The following PRUNE2 variants were observed in gnomAD, a reference collection of about 807,000 sequenced individuals.
PRUNE2 encodes the protein prune homolog 2 with BCH domain, also known as protein prune homolog 2.
In PRUNE2, 164 loss-of-function variants were observed where a neutral mutation model predicts 252.0. That is an observed-to-expected ratio of 0.65 (90% confidence interval 0.57 to 0.74). The LOEUF is 0.74. Among genes scored for constraint, PRUNE2 ranks in the 30% least tolerant of loss-of-function variants. The pLI is 0.00. For synonymous variants in PRUNE2, 1,292 were observed against 1,350.2 expected, an observed-to-expected ratio of 0.96 and a Z score of 0.94; for missense variants, 3,495 against 3,711.0, an observed-to-expected ratio of 0.94 and a Z score of 1.51.
intron 7 of PRUNE2, 77 bp from the exon 8 acceptor site, chr9:76,711,435 G>T (rs762910310): frequency 8.2e-6 from 7 of 855,734 alleles, no homozygotes; most frequent in Non-Finnish European, 1.3e-5. Context: ...AATTTATCTC[G>T]CTTAATTTTT....
At position 76,715,281 on chromosome 9, in the gene PRUNE2, C is replaced by T. The variant is rs541345156; in HGVS notation, c.757-1560G>A. On this transcript the variant is annotated intron_variant, in intron 6 of 18. Transcript: ENST00000376718. ...ACTATTTACCAGCCACTTCAAAAAG[C>T]CATCATACCCGTACTCTGTAATTCT... Among the ~76,000 whole-genome samples the T allele has an allele frequency of 5.3e-5, 8 of 152,322 alleles. No individual in the cohort carries two copies. The South Asian group carries it at 1.0e-3, about 20-fold the overall frequency.
intron 15 of PRUNE2, 137 bp from the exon 16 acceptor site, chr9:76,629,427 C>T (rs552625283): frequency 6.7e-5 from 36 of 533,972 alleles, no homozygotes; most frequent in Middle Eastern, 4.9e-4. Flanking sequence ...CATTATTTGA[C>T]GAGTTACAAT....
At chr9:76,797,605 A>G (rs1312396641) in intron 6 of PRUNE2, among the ~76,000 whole-genome samples, 1 of 152,128 alleles carries the variant, frequency 6.6e-6, no homozygotes, top group African/African-American at 2.4e-5. Context: ...TATATAGGTG[A>G]AATGTGGTTT....
At chr9:76,683,980 A>C (rs1564028166) in intron 9 of PRUNE2, among the ~76,000 whole-genome samples, 1 of 151,468 alleles carries the variant, frequency 6.6e-6, no homozygotes, top group Non-Finnish European at 1.5e-5. Context: ...CACACACACG[A>C]ATATATATTG....
Position 76,823,407 on chromosome 9 carries a change from T to C in PRUNE2, c.756+225A>G. The stretch of plus-strand genomic sequence containing the variant: ...TGTTTTAGGCTTTGTTTTACTGAGA[T>C]GAATGAAAGAGCATTCATCTTGAGA... On this transcript the variant is annotated intron_variant, in intron 6 of 18. Transcript: ENST00000376718. 6 of 498,528 alleles carry C rather than the reference T, an allele frequency of 1.2e-5. No homozygotes were observed. The South Asian group carries it at 1.8e-4, about 15-fold the overall frequency. The allele number at this position is 498,528 out of a possible 1,614,324, so 30.9% of individuals were successfully genotyped here.
intron 6 of PRUNE2, among the ~76,000 whole-genome samples, chr9:76,741,044 A>G (rs1272597322): frequency 6.6e-6 from 1 of 152,206 alleles, no homozygotes; most frequent in Non-Finnish European, 1.5e-5. Context: ...TGAAGAATAC[A>G]CTCACAAAAA....
At chr9:76,672,082 G>C (rs1222772647) in intron 9 of PRUNE2, among the ~76,000 whole-genome samples, 1 of 151,760 alleles carries the variant, frequency 6.6e-6, no homozygotes, top group African/African-American at 2.4e-5. Flanking sequence ...TGGACTAAAT[G>C]CTCCAATTAA....
chr9:76,711,129 G>T lies in PRUNE2; in HGVS notation c.1145C>A (p.Ser382Tyr). Residue 382 changes from serine to tyrosine, a missense_variant, in exon 8 of 19, where the codon TCT becomes TAT. Transcript: ENST00000376718. ...ACCATACAATTCCATAATCCCAGAAGACCCCTGGGAGAGGGGGGCACTGCC... is the reference window on the plus strand; with the variant it reads ...ACCATACAATTCCATAATCCCAGAATACCCCTGGGAGAGGGGGGCACTGCC... ...VAGSAPLSQG[S>Y]SGIMELYGSD... 1 of 1,613,910 alleles carries T rather than the reference G, an allele frequency of 6.2e-7. No homozygotes were observed. Among genetic ancestry groups the T allele is most frequent in the Non-Finnish European group, 8.5e-7 (1 of 1,179,860 alleles).
At chr9:76,658,147 T>C (rs1400401873) in intron 9 of PRUNE2, among the ~76,000 whole-genome samples, 4 of 152,174 alleles carry the variant, frequency 2.6e-5, no homozygotes, top group Admixed American at 6.5e-5. Context: ...TCACCTGATA[T>C]TGGGAGTTCA....
intron 6 of PRUNE2, among the ~76,000 whole-genome samples, chr9:76,790,459 C>T (rs1002783855): frequency 1.3e-5 from 2 of 152,156 alleles, no homozygotes; most frequent in Non-Finnish European, 2.9e-5. Flanking sequence ...ATTCTCAAAT[C>T]TAAGAAGCAG....
At chr9:76,738,470 C>A (rs961554738) in intron 6 of PRUNE2, 1 of 152,142 alleles carries the variant, frequency 6.6e-6, no homozygotes. Context: ...AATCTTTGTC[C>A]CTGGGAGGCA....
At chr9:76,807,608 A>T (rs370984080) in intron 6 of PRUNE2, among the ~76,000 whole-genome samples, 3 of 152,216 alleles carry the variant, frequency 2.0e-5, no homozygotes, top group Non-Finnish European at 4.4e-5. Flanking sequence ...TCTCTTGAGC[A>T]TCCATTTCAT....
chr9:76,782,255 T>C (rs1466314479), intron 6 of PRUNE2, among the ~76,000 whole-genome samples: 1 of 151,988 alleles, frequency 6.6e-6, no homozygotes, highest in African/African-American at 2.4e-5. Flanking sequence ...GCCTAAATGG[T>C]CTACAGGCCA....
chr9:76,621,952 C>T (rs992404354), intron 17 of PRUNE2, among the ~76,000 whole-genome samples: 2 of 152,120 alleles, frequency 1.3e-5, no homozygotes, highest in African/African-American at 4.8e-5. Flanking sequence ...TCCCAAAGTC[C>T]TGGGATTACA....
At chr9:76,812,697 T>G (rs2057435672) in intron 6 of PRUNE2, among the ~76,000 whole-genome samples, 2 of 152,128 alleles carry the variant, frequency 1.3e-5, no homozygotes, top group Non-Finnish European at 2.9e-5. Context: ...AACAGAAGGA[T>G]TTATAGAAGA....
At chr9:76,696,144 C>T (rs369613034) in intron 9 of PRUNE2, among the ~76,000 whole-genome samples, 27 of 152,240 alleles carry the variant, frequency 1.8e-4, no homozygotes, top group South Asian at 1.0e-3. Flanking sequence ...GGTTCAGAAC[C>T]GGCAGCTTGG....
intron 1 of PRUNE2, among the ~76,000 whole-genome samples, chr9:76,860,828 A>G (rs1170904654): frequency 6.6e-6 from 1 of 152,178 alleles, no homozygotes; most frequent in Non-Finnish European, 1.5e-5. Flanking sequence ...TCTCCAAAGA[A>G]AACCAGAAAG....
chr9:76,874,363 T>C (rs541493227), intron 1 of PRUNE2, among the ~76,000 whole-genome samples: 110 of 152,270 alleles, frequency 7.2e-4, no homozygotes, highest in South Asian at 5.8e-3. Flanking sequence ...CATGAAAGCA[T>C]GTTGGGGAGT....
intron 1 of PRUNE2, among the ~76,000 whole-genome samples, chr9:76,882,964 T>C (rs7044375): frequency 0.11 from 16,403 of 152,032 alleles, 2,698 homozygotes; most frequent in African/African-American, 0.36. Context: ...TTATTAGGTA[T>C]AGTACTTTCA....
Sources: gnomAD v4.1 joint callset for allele counts (sites outside exome capture counted in the v4.1 genomes callset) on GRCh38, gnomAD v4.1.1 for gene constraint, MANE v1.5 for transcripts, NCBI Gene and HGNC (gene_info 2026-07-23, HGNC 2026-07-21) for gene names.